The following CNTN5 variants were observed in gnomAD, a reference collection of about 807,000 sequenced individuals.
The protein encoded by CNTN5 is contactin 5.
Under a neutral mutation model 129.1 loss-of-function variants are expected in CNTN5, and 77 were observed. The ratio of observed to expected loss-of-function variants is 0.60; its 90% CI spans 0.50 to 0.72. The LOEUF (loss-of-function observed/expected upper bound fraction) is 0.72, where lower values mean the gene tolerates loss of function less well. Ranked by LOEUF, CNTN5 falls within the 30% of genes least tolerant of loss-of-function variation. CNTN5 has a pLI of 0.00. For missense variants in CNTN5, 1,478 were observed against 1,328.8 expected (o/e 1.11, Z -1.75); for synonymous variants, 509 against 465.6 (o/e 1.09, Z -1.20).
chr11:100,298,151 A>G (rs1951135341), intron 19 of CNTN5, among the ~76,000 whole-genome samples: 1 of 151,414 alleles, frequency 6.6e-6, no homozygotes, highest in Admixed American at 6.6e-5. Context: ...TAGCTCACAG[A>G]GATCTTAGAA....
chr11:100,169,297 T>C (rs1188193949), intron 13 of CNTN5, among the ~76,000 whole-genome samples: 4 of 152,014 alleles, frequency 2.6e-5, no homozygotes, highest in Non-Finnish European at 4.4e-5. Context: ...CAGAGAAATC[T>C]TTCATGAAAG....
At chr11:99,035,958 CA>C (rs772450255) in intron 1 of CNTN5, among the ~76,000 whole-genome samples, 17 of 151,912 alleles carry the variant, frequency 1.1e-4, no homozygotes, top group Non-Finnish European at 2.1e-4. Flanking sequence ...TCTTTTAGGG[CA>C]GGCCTGGTGG....
intron 3 of CNTN5, among the ~76,000 whole-genome samples, chr11:99,775,388 C>G (rs927711446): frequency 4.6e-5 from 7 of 151,902 alleles, no homozygotes; most frequent in African/African-American, 1.7e-4. Context: ...AATATCTGTT[C>G]ATGACACTGT....
intron 3 of CNTN5, among the ~76,000 whole-genome samples, chr11:99,775,265 A>G (rs185345920): frequency 2.0e-5 from 3 of 152,234 alleles, no homozygotes; most frequent in African/African-American, 7.2e-5. Flanking sequence ...CTTTTTTAAT[A>G]CGGTCATTTT....
intron 3 of CNTN5, among the ~76,000 whole-genome samples, chr11:99,749,942 C>T (rs1032476808): frequency 2.6e-5 from 4 of 152,154 alleles, no homozygotes; most frequent in Non-Finnish European, 4.4e-5. Context: ...GACTTTCTTG[C>T]TCCCTTCCTC....
At chr11:100,038,001 T>C (rs1005292100) in intron 9 of CNTN5, among the ~76,000 whole-genome samples, 15 of 152,196 alleles carry the variant, frequency 9.9e-5, no homozygotes, top group African/African-American at 3.4e-4. Flanking sequence ...ATATCTTGCC[T>C]TCTGCTAGCT....
chr11:99,894,141 T>C (rs1254973781), intron 6 of CNTN5, among the ~76,000 whole-genome samples: 1 of 152,140 alleles, frequency 6.6e-6, no homozygotes, highest in Non-Finnish European at 1.5e-5. Context: ...TCCCACCTAG[T>C]AGGTGGTATA....
At chr11:99,358,018 TAATAA>T (rs1465155776) in intron 2 of CNTN5, among the ~76,000 whole-genome samples, 14 of 146,730 alleles carry the variant, frequency 9.5e-5, no homozygotes, top group African/African-American at 3.5e-4. Flanking sequence ...ATAATAATAA[TAATAA>T]AATAAATAAA....
intron 7 of CNTN5, among the ~76,000 whole-genome samples, chr11:99,951,163 G>A (rs1591470531): frequency 6.6e-6 from 1 of 151,936 alleles, no homozygotes; most frequent in Middle Eastern, 3.4e-3. Context: ...TTGAATGCCT[G>A]GTCTCTGTGA....
At position 100,299,317 on chromosome 11, in the gene CNTN5, T is replaced by A. The variant is rs911967440; in HGVS notation, c.2541T>A (p.Phe847Leu). 6.2e-7 allele frequency: 1 copy of A among 1,610,488 alleles called. No individual in the cohort carries two copies. The highest frequency in any genetic ancestry group is 8.5e-7 in the Non-Finnish European group (1 of 1,177,716). Residue 847 changes from phenylalanine (F) to leucine (L), a missense_variant, in exon 20 of 25, where the codon TTT becomes TTA. Phe to Leu is a conservative substitution (Grantham distance 22, BLOSUM62 0). Coordinates refer to ENST00000524871, the MANE Select transcript of CNTN5 (RefSeq NM_014361.4). ...RDESVPPLTP[F>L]EVKVGVYNNK... ...AAAGTGTCCCTCCTCTTACTCCCTT[T>A]GAAGTGAAAGTTGGCGTTTATAACA... is the stretch of plus-strand genomic sequence containing the variant.
At chr11:99,804,520 A>C (rs1946210022) in intron 3 of CNTN5, among the ~76,000 whole-genome samples, 1 of 151,440 alleles carries the variant, frequency 6.6e-6, no homozygotes, top group Non-Finnish European at 1.5e-5. Context: ...AATACGGTAT[A>C]ATTTTTGAGA....
chr11:100,252,064 T>G (rs1270194074), intron 16 of CNTN5, among the ~76,000 whole-genome samples: 1 of 152,136 alleles, frequency 6.6e-6, no homozygotes, highest in Non-Finnish European at 1.5e-5. Flanking sequence ...TTTCTCCACA[T>G]TCTCACCAAC....
At position 99,949,036 on chromosome 11, in the gene CNTN5, A is replaced by G. The variant is rs192991466; in HGVS notation, c.674-7770A>G. Among the ~76,000 whole-genome samples the G allele has an allele frequency of 1.4e-3, 206 of 152,296 alleles. 1 individual carries two copies. Among genetic ancestry groups the G allele is most frequent in the African/African-American group, 4.9e-3 (203 of 41,554 alleles). On this transcript the variant is annotated intron_variant, in intron 7 of 24. Transcript: ENST00000524871. Reference sequence around the variant, plus strand: ...TGCTGCAGTGAAAGTTGTGTTTGAGAACCCCAAGTGGGATCAATCTTAAGC... The same window carrying G: ...TGCTGCAGTGAAAGTTGTGTTTGAGGACCCCAAGTGGGATCAATCTTAAGC...
intron 13 of CNTN5, among the ~76,000 whole-genome samples, chr11:100,162,063 G>C (rs927886963): frequency 2.3e-4 from 35 of 151,696 alleles, no homozygotes; most frequent in African/African-American, 8.5e-4. Context: ...CCAAGTGGGT[G>C]AATAGGGAAG....
chr11:99,846,513 A>G (rs1376500675), intron 6 of CNTN5, among the ~76,000 whole-genome samples: 3 of 152,104 alleles, frequency 2.0e-5, no homozygotes, highest in African/African-American at 7.2e-5. Flanking sequence ...TTAATAAGTA[A>G]TCCTACTTGA....
intron 3 of CNTN5, among the ~76,000 whole-genome samples, chr11:99,654,806 A>C (rs1043294183): frequency 2.0e-5 from 3 of 152,138 alleles, no homozygotes; most frequent in Non-Finnish European, 4.4e-5. Flanking sequence ...CTTTTTTAGT[A>C]GACCTTAAAT....
chr11:100,067,097 G>T (rs1350303374), intron 10 of CNTN5, among the ~76,000 whole-genome samples: 3 of 151,942 alleles, frequency 2.0e-5, no homozygotes, highest in African/African-American at 7.2e-5. Context: ...ATGTAAACAA[G>T]AAATCTGTTG....
intron 3 of CNTN5, among the ~76,000 whole-genome samples, chr11:99,575,831 C>T (rs1222126570): frequency 6.6e-6 from 1 of 152,102 alleles, no homozygotes; most frequent in Non-Finnish European, 1.5e-5. Context: ...AGGGGTGGAG[C>T]TGGGAGAAGA....
At chr11:99,291,138 T>C (rs1024948524) in intron 1 of CNTN5, among the ~76,000 whole-genome samples, 39 of 151,944 alleles carry the variant, frequency 2.6e-4, no homozygotes, top group African/African-American at 9.2e-4. Context: ...AATCATACTA[T>C]AAAAATGTGA....
Sources: gnomAD v4.1 joint callset for allele counts (sites outside exome capture counted in the v4.1 genomes callset) on GRCh38, gnomAD v4.1.1 for gene constraint, MANE v1.5 for transcripts, NCBI Gene and HGNC (gene_info 2026-07-23, HGNC 2026-07-21) for gene names.